IFT46: variants seen among roughly 807,000 people sequenced by gnomAD.
IFT46 encodes intraflagellar transport protein 46 homolog.
IFT46 carries 19 observed loss-of-function variants against 39.6 expected under a neutral mutation model. The ratio of observed to expected loss-of-function variants is 0.48; its 90% confidence interval spans 0.33 to 0.70. IFT46 has a LOEUF of 0.70. Ranked by LOEUF, IFT46 falls within the 30% of genes least tolerant of loss-of-function variation. IFT46 has a pLI of 0.01. For synonymous variants in IFT46, 117 were observed against 134.8 expected (o/e 0.87, Z 0.91); for missense variants, 334 against 364.8 (o/e 0.92, Z 0.69).
intron 3 of IFT46, chr11:118,557,707 C>A (rs1555069781): frequency 1.2e-6 from 2 of 1,611,968 alleles, no homozygotes; most frequent in African/African-American, 1.3e-5. Flanking sequence ...TCAAGATAAA[C>A]AGCTCTTTTG....
At chr11:118,565,477 GT>G (rs1938194506) in intron 1 of IFT46, 1 of 103,250 alleles carries the variant, frequency 9.7e-6, no homozygotes, top group African/African-American at 3.8e-5. Flanking sequence ...GTGGGGTGGG[GT>G]GGGGTGGGGT....
chr11:118,550,755 G>A (rs1391747790), intron 9 of IFT46, among the ~76,000 whole-genome samples: 2 of 152,036 alleles, frequency 1.3e-5, no homozygotes, highest in Admixed American at 6.6e-5. Flanking sequence ...TTGGCCAGGC[G>A]CGGTGGCTCA....
chr11:118,572,517 A>T, intron 1 of IFT46: 1 of 1,611,226 alleles, frequency 6.2e-7, no homozygotes. Context: ...GTGGAGCCGG[A>T]GTGCGGGCGC....
At chr11:118,558,877 C>T (rs1226857483) in intron 3 of IFT46, among the ~76,000 whole-genome samples, 1 of 149,814 alleles carries the variant, frequency 6.7e-6, no homozygotes, top group African/African-American at 2.5e-5. Flanking sequence ...AAGATCACTG[C>T]ACTCCAGCCT....
chr11:118,555,007 T>C lies in IFT46; in HGVS notation c.337A>G (p.Ile113Val). 6.2e-7 allele frequency: 1 copy of C among 1,612,594 alleles called. No individual in the cohort carries two copies. The highest frequency in any genetic ancestry group is 1.3e-5 in the African/African-American group (1 of 75,000). The change falls in exon 6 of 12, where the codon ATT (isoleucine) becomes GTT (valine). Residue 113 changes from isoleucine to valine, a missense_variant. By Grantham distance (29) the Ile-to-Val change is conservative. Coordinates refer to ENST00000264021, the MANE Select transcript of IFT46 (RefSeq NM_001168618.2). ...IPDFIPAVGD[I>V]DAFLKVPRPD... ...GACTATACCTTTAAGAATGCATCAA[T>C]ATCCCCGACAGCTGGGATAAAATCA...
chr11:118,554,137 G>A (rs11216894), intron 7 of IFT46, among the ~76,000 whole-genome samples: 60 of 149,042 alleles, frequency 4.0e-4, no homozygotes, highest in African/African-American at 1.5e-3. Flanking sequence ...TGCAAGCTCC[G>A]CCTCCCGGGT....
At chr11:118,573,393 C>T (rs1555072840), upstream of IFT46, among the ~76,000 whole-genome samples, 1 of 152,130 alleles carries the variant, frequency 6.6e-6, no homozygotes, top group African/African-American at 2.4e-5. Flanking sequence ...TCTTTGTATA[C>T]TCATCTGTTA....
rs782212290 is a variant in IFT46 at position 118,555,284 on chromosome 11, G to C, written c.224C>G (p.Ser75Cys). The change falls in exon 5 of 12, where the codon TCT becomes TGT. Residue 75 changes from serine to cysteine, a missense_variant. Coordinates refer to ENST00000264021, the MANE Select transcript of IFT46 (RefSeq NM_001168618.2). ...DPADYEHLPV[S>C]AEIKELFQYI... ...CTGGAAGAGTTCCTTAATTTCAGCAGAAACTGGCAAATGCTCATAGTCTGC... is the reference window on the plus strand; with the variant it reads ...CTGGAAGAGTTCCTTAATTTCAGCACAAACTGGCAAATGCTCATAGTCTGC... 1.9e-6 allele frequency: 3 copies of C among 1,614,006 alleles called. No individual in the cohort carries two copies. The highest frequency in any genetic ancestry group is 2.5e-6 in the Non-Finnish European group (3 of 1,179,992).
In IFT46 at chr11:118,552,317, T is replaced by C. The variant is rs1937668123; in HGVS notation, c.502A>G (p.Ser168Gly). 10 of 1,614,212 alleles carry C rather than the reference T, an allele frequency of 6.2e-6. No individual in the cohort carries two copies. Among genetic ancestry groups the C allele is most frequent in the Non-Finnish European group, 8.5e-6 (10 of 1,180,020 alleles). ...HNITQHMKVK[S>G]LEDAEKNPKA... ...GGATTCTTTTCTGCATCTTCTAGGC[T>C]TTTTACTTTCATATGTTGCTAGGAA... The change falls in exon 8 of 12, where the codon AGC (serine) becomes GGC (glycine). Residue 168 changes from serine (S) to glycine (G), a missense_variant. Physicochemically the swap from Ser to Gly is moderately conservative, Grantham distance 56 (BLOSUM62 0). Transcript: ENST00000264021.
At chr11:118,546,227 T>C (rs939499581) in intron 9 of IFT46, 1 of 714,408 alleles carries the variant, frequency 1.4e-6, no homozygotes, top group Non-Finnish European at 2.6e-6. Context: ...TGGGGCGTGG[T>C]GGCTTCACGC....
rs1210774753 is a variant in IFT46, at chr11:118,557,246, C to G, written c.46-201G>C. On this transcript the variant is annotated intron_variant, in intron 3 of 11. Transcript: ENST00000264021. ...CAAATGGGGACTCCACTTTCTAGAA[C>G]CCTATTCCATTTCTCTACTTGAGGC... 1.5e-4 allele frequency: 71 copies of G among 471,460 alleles called. No individual in the cohort carries two copies. The East Asian group carries it at 2.3e-3, about 15-fold the overall frequency. 29.2% of individuals were successfully genotyped at this position (471,460 alleles called of 1,614,324 possible).
At chr11:118,574,052 A>G (rs994913165), upstream of IFT46, among the ~76,000 whole-genome samples, 1 of 152,190 alleles carries the variant, frequency 6.6e-6, no homozygotes, top group Non-Finnish European at 1.5e-5. Context: ...GGAACTTAGT[A>G]TTTTTAATTC....
At chr11:118,561,567 C>G in intron 2 of IFT46, 1 of 649,632 alleles carries the variant, frequency 1.5e-6, no homozygotes, top group Admixed American at 2.4e-5. Context: ...CAGGAGCAGG[C>G]TGCTGAGAGC....
intron 9 of IFT46, among the ~76,000 whole-genome samples, chr11:118,547,744 CTTTTTTTT>C (rs1233612951): frequency 3.7e-4 from 34 of 91,176 alleles, no homozygotes; most frequent in Non-Finnish European, 9.1e-5. Flanking sequence ...CTTTTCTTTT[CTTTTTTTT>C]TTTTTTTTTT....
At chr11:118,562,058 T>G (rs1938075229) in intron 2 of IFT46, among the ~76,000 whole-genome samples, 1 of 152,014 alleles carries the variant, frequency 6.6e-6, no homozygotes, top group African/African-American at 2.4e-5. Context: ...GTGGATCACC[T>G]GAGGTCAGGA....
upstream of IFT46, among the ~76,000 whole-genome samples, chr11:118,566,791 G>A (rs1938237160): frequency 6.6e-6 from 1 of 152,196 alleles, no homozygotes; most frequent in Non-Finnish European, 1.5e-5. Context: ...TAATTTTTAA[G>A]CTTTGTAACA....
intron 4 of IFT46, chr11:118,555,601 T>C (rs1937803392): frequency 3.2e-6 from 1 of 311,728 alleles, no homozygotes; most frequent in Non-Finnish European, 6.0e-6. Flanking sequence ...TTTTTTTTAA[T>C]GAAAGGATGA....
At chr11:118,553,032 C>T (rs1937701344) in intron 7 of IFT46, among the ~76,000 whole-genome samples, 1 of 151,860 alleles carries the variant, frequency 6.6e-6, no homozygotes, top group Non-Finnish European at 1.5e-5. Flanking sequence ...CAGTGAGCCC[C>T]AATCACACCA....
intron 1 of IFT46, chr11:118,572,387 G>A (rs1256993527): frequency 1.2e-5 from 4 of 329,882 alleles, no homozygotes; most frequent in African/African-American, 1.0e-4. Context: ...GCTTCCGGTT[G>A]AAGACGTGGC....
Sources: gnomAD v4.1 joint callset for allele counts (sites outside exome capture counted in the v4.1 genomes callset) on GRCh38, gnomAD v4.1.1 for gene constraint, MANE v1.5 for transcripts, NCBI Gene and HGNC (gene_info 2026-07-23, HGNC 2026-07-21) for gene names.